Variants in KPNA3 observed in about 807,000 individuals in gnomAD.
KPNA3 encodes karyopherin subunit alpha 3.
KPNA3 carries 13 observed loss-of-function variants against 73.8 expected under a neutral mutation model. That is an observed-to-expected ratio of 0.18 (90% CI 0.11 to 0.28). The LOEUF (loss-of-function observed/expected upper bound fraction) is 0.28. Among genes scored for constraint, KPNA3 ranks in the 10% least tolerant of loss-of-function variants. KPNA3 has a pLI of 1.00. For synonymous variants in KPNA3, 186 were observed against 206.9 expected (o/e 0.90, Z 0.87); for missense variants, 360 against 618.1 (o/e 0.58, Z 4.43).
chr13:49,722,205 G>T, intron 8 of KPNA3, 81 bp from the exon 9 acceptor site: 1 of 927,178 alleles, frequency 1.1e-6, no homozygotes, highest in Non-Finnish European at 1.6e-6. Context: ...GCTCATGTGG[G>T]AACACTGACG....
chr13:49,708,539 A>T (rs1954229692), intron 12 of KPNA3, among the ~76,000 whole-genome samples: 1 of 152,220 alleles, frequency 6.6e-6, no homozygotes, highest in African/African-American at 2.4e-5. Flanking sequence ...TATCCAAAGA[A>T]ATTGAAAGCG....
intron 1 of KPNA3, among the ~76,000 whole-genome samples, chr13:49,771,483 C>A (rs1036506421): frequency 3.3e-5 from 5 of 152,144 alleles, no homozygotes; most frequent in Non-Finnish European, 7.3e-5. Context: ...AAGACGGGGT[C>A]TCACTCTGTC....
Position 49,731,034 on chromosome 13 carries a change from C to T in KPNA3, c.383+1337G>A, listed in dbSNP as rs925868564. Among the ~76,000 whole-genome samples the T allele has an allele frequency of 5.3e-5, 8 of 151,762 alleles. No homozygotes were observed. The East Asian group carries it at 1.6e-3, about 29-fold the overall frequency. On this transcript the variant is annotated intron_variant, in intron 6 of 16. Coordinates refer to ENST00000261667, the MANE Select transcript of KPNA3 (RefSeq NM_002267.4). ...TGACCTCATGACCCACCTGCCTCAG[C>T]CTCCCAAAGTGCTGAGACTACAGGT...
At chr13:49,791,925 C>A (rs1270120934) in intron 1 of KPNA3, among the ~76,000 whole-genome samples, 1 of 152,204 alleles carries the variant, frequency 6.6e-6, no homozygotes, top group Non-Finnish European at 1.5e-5. Context: ...CCCCCCTCTG[C>A]GGGCCGCCAC....
intron 1 of KPNA3, among the ~76,000 whole-genome samples, chr13:49,773,172 A>T (rs9568328): frequency 0.09 from 13,659 of 152,228 alleles, 671 homozygotes; most frequent in South Asian, 0.12. Flanking sequence ...CAAGCTGATC[A>T]ATGAAAGAAA....
At chr13:49,707,576 AC>A (rs67092201) in intron 12 of KPNA3, among the ~76,000 whole-genome samples, 128,407 of 151,862 alleles carry the variant, frequency 0.85, 54,509 homozygotes, top group East Asian at 1. Flanking sequence ...ATTTTCCTCT[AC>A]CCCCCACGAT....
chr13:49,744,939 TTTC>T (rs1393383844), intron 2 of KPNA3, among the ~76,000 whole-genome samples: 1 of 152,164 alleles, frequency 6.6e-6, no homozygotes, highest in East Asian at 1.9e-4. Context: ...TTAAATGTTA[TTTC>T]TTCAGACAAG....
At chr13:49,752,805 G>A (rs1954674782) in intron 1 of KPNA3, among the ~76,000 whole-genome samples, 1 of 151,940 alleles carries the variant, frequency 6.6e-6, no homozygotes, top group South Asian at 2.1e-4. Context: ...GAGGCGGGCG[G>A]ATCATGAGGT....
intron 1 of KPNA3, among the ~76,000 whole-genome samples, chr13:49,749,011 T>C (rs1365596379): frequency 2.6e-5 from 4 of 152,226 alleles, no homozygotes; most frequent in Admixed American, 2.6e-4. Flanking sequence ...TACTTCAATT[T>C]TTCCTATAAC....
chr13:49,786,642 G>A (rs1289645755), intron 1 of KPNA3, among the ~76,000 whole-genome samples: 1 of 152,150 alleles, frequency 6.6e-6, no homozygotes, highest in Non-Finnish European at 1.5e-5. Flanking sequence ...AAGGCACACA[G>A]AACAGCATAT....
intron 1 of KPNA3, among the ~76,000 whole-genome samples, chr13:49,747,828 G>A (rs531708781): frequency 6.6e-6 from 1 of 152,280 alleles, no homozygotes; most frequent in South Asian, 2.1e-4. Context: ...GGTGGGACTT[G>A]GCTGCCTAGG....
In KPNA3 at chr13:49,701,241, G is replaced by A. The variant is rs1954144594; in HGVS notation, c.*559C>T. ...ACTTATCTGTTTATTCAATAACCAA[G>A]TTTCTTGTTTTTAAGTTACTTTTTT... On this transcript the variant is annotated 3_prime_UTR_variant, in exon 17 of 17. Transcript: ENST00000261667. The A allele has an allele frequency of 1.2e-5, 2 of 162,744 alleles. No individual in the cohort carries two copies. The highest frequency in any genetic ancestry group is 1.4e-4 in the South Asian group (1 of 6,918). The allele number at this position is 162,744 out of a possible 1,614,324, so 10.1% of individuals were successfully genotyped here.
At chr13:49,780,321 A>G (rs3742095) in intron 1 of KPNA3, among the ~76,000 whole-genome samples, 36,369 of 152,032 alleles carry the variant, frequency 0.24, 5,201 homozygotes, top group Non-Finnish European at 0.32. Context: ...CAAAGCCCTA[A>G]TATTTAGGCT....
At chr13:49,774,381 A>G (rs918068282) in intron 1 of KPNA3, among the ~76,000 whole-genome samples, 5 of 152,210 alleles carry the variant, frequency 3.3e-5, no homozygotes, top group African/African-American at 7.2e-5. Flanking sequence ...GGGGTCTCCT[A>G]TAACACCTAG....
chr13:49,769,701 T>A (rs1295086819), intron 1 of KPNA3, among the ~76,000 whole-genome samples: 12 of 152,242 alleles, frequency 7.9e-5, no homozygotes, highest in African/African-American at 2.9e-4. Context: ...ATTTGGGTTG[T>A]TTCCACTTTG....
At chr13:49,758,079 T>A (rs1954726766) in intron 1 of KPNA3, among the ~76,000 whole-genome samples, 1 of 151,982 alleles carries the variant, frequency 6.6e-6, no homozygotes, top group Non-Finnish European at 1.5e-5. Context: ...ATTTCAATAA[T>A]GTACATGATG....
intron 1 of KPNA3, among the ~76,000 whole-genome samples, chr13:49,764,197 T>C (rs1002845722): frequency 6.6e-6 from 1 of 151,934 alleles, no homozygotes; most frequent in African/African-American, 2.4e-5. Context: ...ATAGTCCTCA[T>C]ACTTCATCAA....
At position 49,704,416 on chromosome 13, in the gene KPNA3, AAAAAAATAAATAAAT is replaced by A. The variant is rs747679320; in HGVS notation, c.1372+1190_1372+1204del. Among the ~76,000 whole-genome samples the A allele has an allele frequency of 6.9e-3, 932 of 134,422 alleles. 22 individuals carry two copies. The East Asian group carries it at 0.073, about 11-fold the overall frequency. 88.2% of individuals were successfully genotyped at this position (134,422 alleles called of 152,430 possible). A position where few individuals can be genotyped will look rare whatever the true frequency, so the allele number is the denominator to read the frequency against. On this transcript the variant is annotated intron_variant, in intron 15 of 16. Coordinates refer to ENST00000261667, the MANE Select transcript of KPNA3 (RefSeq NM_002267.4). ...AACAAGAGCGAAACTCTGTCTCAAA[AAAAAAATAAATAAAT>A]AAAAAATAAATAAATAAATAAATAA...
At chr13:49,771,133 A>G (rs1255116561) in intron 1 of KPNA3, among the ~76,000 whole-genome samples, 3 of 151,412 alleles carry the variant, frequency 2.0e-5, no homozygotes, top group Non-Finnish European at 4.4e-5. Flanking sequence ...AAAAAAAAAA[A>G]AAGAAGAGGA....
Sources: allele counts gnomAD v4.1 joint callset (sites outside exome capture counted in the v4.1 genomes callset), GRCh38; gene constraint gnomAD v4.1.1; transcripts MANE v1.5; gene names NCBI Gene and HGNC (gene_info 2026-07-23, HGNC 2026-07-21).